UBASH3B: variants seen among roughly 807,000 people sequenced by gnomAD.
The protein encoded by UBASH3B is ubiquitin-associated and SH3 domain-containing protein B.
A neutral mutation model predicts 83.4 loss-of-function variants in UBASH3B; 37 were observed. That is an observed-to-expected ratio of 0.44 (90% CI 0.34 to 0.58). The LOEUF is 0.58. Among genes scored for constraint, UBASH3B ranks in the 20% least tolerant of loss-of-function variants. The pLI is 0.01. For missense variants in UBASH3B, 657 were observed against 827.2 expected, an observed-to-expected ratio of 0.79 and a Z score of 2.52; for synonymous variants, 304 against 318.3, an observed-to-expected ratio of 0.96 and a Z score of 0.48.
At chr11:122,698,127 C>A (rs1309305733) in intron 1 of UBASH3B, among the ~76,000 whole-genome samples, 3 of 152,190 alleles carry the variant, frequency 2.0e-5, no homozygotes, top group African/African-American at 7.2e-5. Context: ...AAATTAAGGG[C>A]AGAGCTGGGC....
chr11:122,751,094 T>C (rs984796282), intron 1 of UBASH3B, among the ~76,000 whole-genome samples: 1 of 114,704 alleles, frequency 8.7e-6, no homozygotes, highest in South Asian at 3.0e-4. Flanking sequence ...TTGGGCCATG[T>C]TGTTTACGCT....
intron 1 of UBASH3B, among the ~76,000 whole-genome samples, chr11:122,683,906 T>G (rs1863778021): frequency 6.6e-6 from 1 of 152,134 alleles, no homozygotes; most frequent in African/African-American, 2.4e-5. Context: ...GTCTAATGTC[T>G]AAAGTCTCCA....
chr11:122,767,287 C>A (rs1409924521), intron 1 of UBASH3B, among the ~76,000 whole-genome samples: 1 of 127,754 alleles, frequency 7.8e-6, no homozygotes, highest in Non-Finnish European at 1.6e-5. Context: ...AAAAAGTAAT[C>A]TCTGATAGTA....
At chr11:122,672,768 G>A (rs1863615529) in intron 1 of UBASH3B, among the ~76,000 whole-genome samples, 1 of 152,182 alleles carries the variant, frequency 6.6e-6, no homozygotes, top group South Asian at 2.1e-4. Context: ...GGTTCTGAGT[G>A]AGCACAGCAG....
chr11:122,694,905 A>C (rs1409041233), intron 1 of UBASH3B, among the ~76,000 whole-genome samples: 1 of 135,460 alleles, frequency 7.4e-6, no homozygotes, highest in African/African-American at 2.7e-5. Flanking sequence ...TCCACCAGTG[A>C]TGTGCTTTAT....
At chr11:122,749,500 T>C (rs898611173) in intron 1 of UBASH3B, among the ~76,000 whole-genome samples, 1 of 152,166 alleles carries the variant, frequency 6.6e-6, no homozygotes, top group African/African-American at 2.4e-5. Context: ...ACGCATTGAG[T>C]CTGTAAAAAC....
intron 1 of UBASH3B, among the ~76,000 whole-genome samples, chr11:122,720,885 T>C (rs188074635): frequency 1.8e-3 from 279 of 152,058 alleles, no homozygotes; most frequent in African/African-American, 6.4e-3. Context: ...AAAATCTTTG[T>C]ATTTTTTTTT....
chr11:122,655,797 G>C lies in UBASH3B; in HGVS notation c.-253G>C. ...ACAGGGCTACTGCAGGCGCAGAGCT[G>C]GGGGCAGCCGGGGGCCCGAGTGGCT... On this transcript the variant is annotated 5_prime_UTR_variant, in exon 1 of 14. Coordinates refer to ENST00000284273, the MANE Select transcript of UBASH3B (RefSeq NM_032873.5). 9.2e-6 allele frequency: 4 copies of C among 435,116 alleles called. No homozygotes were observed. The highest frequency in any genetic ancestry group is 1.6e-5 in the Non-Finnish European group (4 of 245,630). The allele number at this position is 435,116 out of a possible 1,614,324, so 27.0% of individuals were successfully genotyped here. A position where few individuals can be genotyped will look rare whatever the true frequency, so the allele number is the denominator to read the frequency against.
At chr11:122,693,948 G>T (rs1383006996) in intron 1 of UBASH3B, among the ~76,000 whole-genome samples, 2 of 152,184 alleles carry the variant, frequency 1.3e-5, no homozygotes, top group Admixed American at 1.3e-4. Flanking sequence ...ACCCAGTTGT[G>T]TTGTGTGCTT....
intron 1 of UBASH3B, among the ~76,000 whole-genome samples, chr11:122,660,279 C>T (rs1353371534): frequency 2.0e-5 from 3 of 152,094 alleles, no homozygotes; most frequent in African/African-American, 7.2e-5. Flanking sequence ...TGTGTGTGTG[C>T]GTGTGCGCTC....
At chr11:122,747,639 G>A (rs1200174875) in intron 1 of UBASH3B, among the ~76,000 whole-genome samples, 2 of 152,190 alleles carry the variant, frequency 1.3e-5, no homozygotes, top group African/African-American at 4.8e-5. Context: ...GGTGGTTTGG[G>A]TTCCTGTACG....
rs1861336874 is a variant in UBASH3B at position 122,806,152 on chromosome 11, G to A, written c.1596-258G>A. On this transcript the variant is annotated intron_variant, in intron 11 of 13. Coordinates refer to ENST00000284273, the MANE Select transcript of UBASH3B (RefSeq NM_032873.5). This position sits in a 1 kb window ranked among gnomAD's most constrained non-coding sequence, Gnocchi z 4.0. ...ATGGCTTATTTGTTATCCCGAGAGT[G>A]AAACATGCACTGAATGTCTCATTTT... is the stretch of plus-strand genomic sequence containing the variant. Among the ~76,000 whole-genome samples the A allele has an allele frequency of 6.6e-6, 1 of 152,172 alleles. No homozygotes were observed. The highest frequency in any genetic ancestry group is 1.5e-5 in the Non-Finnish European group (1 of 68,036).
At chr11:122,747,917 A>G (rs1473401725) in intron 1 of UBASH3B, among the ~76,000 whole-genome samples, 1 of 152,262 alleles carries the variant, frequency 6.6e-6, no homozygotes, top group Non-Finnish European at 1.5e-5. Context: ...TAACAGGGAT[A>G]ATAATGAGCT....
At chr11:122,771,748 AACACACACAC>A (rs58950220) in intron 1 of UBASH3B, among the ~76,000 whole-genome samples, 14,366 of 147,200 alleles carry the variant, frequency 0.098, 865 homozygotes, top group Non-Finnish European at 0.14. Flanking sequence ...GCTGTGTTAA[AACACACACAC>A]ACACACACAC....
At chr11:122,664,572 G>A (rs144131009) in intron 1 of UBASH3B, among the ~76,000 whole-genome samples, 1,972 of 152,248 alleles carry the variant, frequency 0.013, 33 homozygotes, top group Middle Eastern at 0.061. Flanking sequence ...GGGTAGATGT[G>A]GCAGTGATCG....
At chr11:122,684,639 G>A (rs2040318) in intron 1 of UBASH3B, among the ~76,000 whole-genome samples, 1,646 of 152,228 alleles carry the variant, frequency 0.011, 24 homozygotes, top group African/African-American at 0.037. Flanking sequence ...ACAGAGTTTC[G>A]CTCTTGTTGC....
At chr11:122,680,267 A>G (rs1258184475) in intron 1 of UBASH3B, among the ~76,000 whole-genome samples, 2 of 152,254 alleles carry the variant, frequency 1.3e-5, no homozygotes, top group Non-Finnish European at 2.9e-5. Flanking sequence ...TCAGCTTCAA[A>G]TAAAACCTCC....
chr11:122,795,657 A>G (rs947408308), intron 7 of UBASH3B, among the ~76,000 whole-genome samples: 1 of 152,244 alleles, frequency 6.6e-6, no homozygotes, highest in Non-Finnish European at 1.5e-5. Flanking sequence ...TTAGAATAGG[A>G]AAACAGGGTC....
chr11:122,687,281 A>G (rs552703071), intron 1 of UBASH3B, among the ~76,000 whole-genome samples: 2 of 152,354 alleles, frequency 1.3e-5, no homozygotes, highest in African/African-American at 4.8e-5. Context: ...CATGGTAGAC[A>G]CTTTAGCAGT....
Sources: allele counts gnomAD v4.1 joint callset (sites outside exome capture counted in the v4.1 genomes callset), GRCh38; gene constraint gnomAD v4.1.1; non-coding constraint Gnocchi (gnomAD v3.1); transcripts MANE v1.5; gene names NCBI Gene and HGNC (gene_info 2026-07-23, HGNC 2026-07-21).